ADAMTS17: variants seen among roughly 807,000 people sequenced by gnomAD.
ADAMTS17 encodes A disintegrin and metalloproteinase with thrombospondin motifs 17.
Under a neutral mutation model 141.5 loss-of-function variants are expected in ADAMTS17, and 113 were observed. The observed-to-expected ratio is 0.80, with a 90% CI of 0.69 to 0.93. The LOEUF (loss-of-function observed/expected upper bound fraction) is 0.93. Ranked by LOEUF, ADAMTS17 falls within the 40% of genes least tolerant of loss-of-function variation. The pLI is 0.00. For missense variants in ADAMTS17, 1,659 were observed against 1,517.9 expected (o/e 1.09, Z -1.54); for synonymous variants, 768 against 630.6 (o/e 1.22, Z -3.27).
At chr15:100,277,485 G>A (rs1176256106) in intron 4 of ADAMTS17, among the ~76,000 whole-genome samples, 1 of 152,158 alleles carries the variant, frequency 6.6e-6, no homozygotes, top group East Asian at 1.9e-4. Flanking sequence ...TACCTTAGCT[G>A]TTGTAATGAA....
At chr15:100,067,528 C>T (rs1428803641) in intron 15 of ADAMTS17, among the ~76,000 whole-genome samples, 1 of 152,250 alleles carries the variant, frequency 6.6e-6, no homozygotes, top group East Asian at 1.9e-4. Context: ...TTGTGTCAAC[C>T]TTTCTTGGGA....
chr15:100,047,577 G>C (rs1368092195), intron 18 of ADAMTS17, among the ~76,000 whole-genome samples: 1 of 151,872 alleles, frequency 6.6e-6, no homozygotes, highest in Non-Finnish European at 1.5e-5. Context: ...TGACTATTGG[G>C]GGCAGGTTCC....
chr15:100,136,669 G>A lies in ADAMTS17; in HGVS notation c.1474-3354C>T, dbSNP rs186133815. ...TGTGAAGGTCACAGAGTCTGAGCTGGGTTAGAAGCACAAGACTCATAAAGA... is the reference window on the plus strand; with the variant it reads ...TGTGAAGGTCACAGAGTCTGAGCTGAGTTAGAAGCACAAGACTCATAAAGA... On this transcript the variant is annotated intron_variant, in intron 10 of 21. Coordinates refer to ENST00000268070, the MANE Select transcript of ADAMTS17 (RefSeq NM_139057.4). Among the ~76,000 whole-genome samples the A allele has an allele frequency of 3.7e-3, 556 of 152,262 alleles. 9 individuals carry two copies. Among genetic ancestry groups the A allele is most frequent in the African/African-American group, 0.013 (527 of 41,544 alleles).
chr15:99,998,231 TGTGGTG>T, intron 18 of ADAMTS17, among the ~76,000 whole-genome samples: 1 of 152,288 alleles, frequency 6.6e-6, no homozygotes, highest in South Asian at 2.1e-4. Flanking sequence ...CGGAGATGGC[TGTGGTG>T]CCTGAGAGTG....
At position 100,281,244 on chromosome 15, in the gene ADAMTS17, C is replaced by T; in HGVS notation, c.774G>A (p.Leu258=). The T allele has an allele frequency of 6.2e-7, 1 of 1,605,860 alleles. No homozygotes were observed. Among genetic ancestry groups the T allele is most frequent in the Non-Finnish European group, 8.5e-7 (1 of 1,179,974 alleles). Reference sequence around the variant, plus strand: ...CCGGACTCACCATGTTCATGACGGTCAGGATGAACCTCTGGGCGGCCTCGG... The same window carrying T: ...CCGGACTCACCATGTTCATGACGGTTAGGATGAACCTCTGGGCGGCCTCGG... The part of the protein sequence containing the change: ...HGAEAAQRFI[L]TVMNMVYNMF... The change falls in exon 4 of 22, where the codon CTG becomes CTA. Residue 258 remains leucine, a synonymous_variant. Coordinates refer to ENST00000268070, the MANE Select transcript of ADAMTS17 (RefSeq NM_139057.4).
chr15:100,154,635 G>C (rs2141368322), intron 9 of ADAMTS17, among the ~76,000 whole-genome samples: 1 of 152,292 alleles, frequency 6.6e-6, no homozygotes, highest in South Asian at 2.1e-4. Context: ...TGTGACAAAG[G>C]TCTGAAATCA....
intron 8 of ADAMTS17, among the ~76,000 whole-genome samples, chr15:100,194,023 C>T (rs1170339903): frequency 2.0e-5 from 3 of 152,230 alleles, no homozygotes; most frequent in Non-Finnish European, 2.9e-5. Flanking sequence ...AACAGACACT[C>T]CTCACTCCAA....
chr15:100,188,513 G>A (rs896074665), intron 8 of ADAMTS17, among the ~76,000 whole-genome samples: 5 of 152,256 alleles, frequency 3.3e-5, no homozygotes, highest in Admixed American at 3.3e-4. Flanking sequence ...TATTCTACGT[G>A]GAAAACCCCC....
intron 3 of ADAMTS17, among the ~76,000 whole-genome samples, chr15:100,283,937 C>G (rs2044365863): frequency 6.6e-6 from 1 of 152,244 alleles, no homozygotes; most frequent in African/African-American, 2.4e-5. Flanking sequence ...GAAACCCCGT[C>G]TCTACTAAAA....
At chr15:100,074,128 G>T (rs1311362528) in intron 15 of ADAMTS17, 1 of 153,038 alleles carries the variant, frequency 6.5e-6, no homozygotes, top group African/African-American at 2.4e-5. Flanking sequence ...AACCAGACCT[G>T]ACCTTGCTTA....
chr15:99,994,771 T>C (rs2060764983), intron 19 of ADAMTS17, among the ~76,000 whole-genome samples: 1 of 152,192 alleles, frequency 6.6e-6, no homozygotes, highest in Admixed American at 6.5e-5. Context: ...TTCACCATGT[T>C]AGCCAGGATG....
At chr15:100,072,610 A>T (rs980310866) in intron 15 of ADAMTS17, among the ~76,000 whole-genome samples, 5 of 152,206 alleles carry the variant, frequency 3.3e-5, no homozygotes, top group African/African-American at 1.2e-4. Context: ...CTGCACATCT[A>T]CAGCCATCTG....
At chr15:100,104,546 T>C (rs2141067745) in intron 14 of ADAMTS17, among the ~76,000 whole-genome samples, 1 of 152,300 alleles carries the variant, frequency 6.6e-6, no homozygotes, top group Non-Finnish European at 1.5e-5. Flanking sequence ...AACTAGTTAC[T>C]ATGTTCCTCG....
chr15:100,197,230 C>G (rs533719648), intron 8 of ADAMTS17, among the ~76,000 whole-genome samples: 2 of 152,376 alleles, frequency 1.3e-5, no homozygotes, highest in Non-Finnish European at 2.9e-5. Context: ...GCAAATGGCA[C>G]TTAGCATGTG....
chr15:100,059,681 G>T (rs2032962102), intron 15 of ADAMTS17, among the ~76,000 whole-genome samples: 1 of 152,158 alleles, frequency 6.6e-6, no homozygotes, highest in African/African-American at 2.4e-5. Flanking sequence ...ATGACTTCAT[G>T]GGGCCATGTC....
intron 4 of ADAMTS17, among the ~76,000 whole-genome samples, chr15:100,269,140 A>G (rs1398014413): frequency 6.6e-6 from 1 of 152,236 alleles, no homozygotes; most frequent in Non-Finnish European, 1.5e-5. Flanking sequence ...AAGATGGATT[A>G]AAGATTAAAT....
intron 7 of ADAMTS17, among the ~76,000 whole-genome samples, chr15:100,245,256 G>C (rs918006219): frequency 2.6e-5 from 4 of 152,218 alleles, no homozygotes; most frequent in African/African-American, 9.6e-5. Flanking sequence ...TCCCCTCGCA[G>C]GCAGGGGCCT....
chr15:100,017,486 G>A (rs1272747661), intron 18 of ADAMTS17, among the ~76,000 whole-genome samples: 2 of 152,214 alleles, frequency 1.3e-5, no homozygotes, highest in Admixed American at 6.5e-5. Flanking sequence ...GATCCCTGTG[G>A]TGCCAGGCAG....
At chr15:100,004,848 T>C (rs2061007015) in intron 18 of ADAMTS17, among the ~76,000 whole-genome samples, 1 of 152,220 alleles carries the variant, frequency 6.6e-6, no homozygotes, top group Admixed American at 6.5e-5. Context: ...CTTGAACTGC[T>C]GACCTCCAGT....
Sources: gnomAD v4.1 joint callset for allele counts (sites outside exome capture counted in the v4.1 genomes callset) on GRCh38, gnomAD v4.1.1 for gene constraint, MANE v1.5 for transcripts, NCBI Gene and HGNC (gene_info 2026-07-23, HGNC 2026-07-21) for gene names.